MED12L: variants seen among roughly 807,000 people sequenced by gnomAD.
The protein encoded by MED12L is mediator complex subunit 12L, also known as mediator of RNA polymerase II transcription subunit 12-like protein.
In MED12L, 60 loss-of-function variants were observed where a neutral mutation model predicts 281.3. The ratio of observed to expected loss-of-function variants is 0.21; its 90% CI spans 0.17 to 0.26. The LOEUF (loss-of-function observed/expected upper bound fraction) is 0.26, where lower values mean the gene tolerates loss of function less well. Ranked by LOEUF, MED12L falls within the 10% of genes least tolerant of loss-of-function variation. The pLI is 1.00. For synonymous variants in MED12L, 974 were observed against 987.2 expected (o/e 0.99, Z 0.25); for missense variants, 2,146 against 2,680.9 (o/e 0.80, Z 4.41).
chr3:151,148,131 G>A (rs1717981873), intron 5 of MED12L, among the ~76,000 whole-genome samples: 3 of 152,140 alleles, frequency 2.0e-5, no homozygotes, highest in South Asian at 4.1e-4. Context: ...CATCTTAAAT[G>A]TGCTTATTGG....
At chr3:151,267,943 G>T (rs956484221) in intron 16 of MED12L, among the ~76,000 whole-genome samples, 1 of 152,112 alleles carries the variant, frequency 6.6e-6, no homozygotes, top group African/African-American at 2.4e-5. Context: ...CTTAAGAAAT[G>T]CGCTATTATC....
At chr3:151,137,854 C>T (rs970438909) in intron 5 of MED12L, among the ~76,000 whole-genome samples, 2 of 151,750 alleles carry the variant, frequency 1.3e-5, no homozygotes, top group African/African-American at 4.8e-5. Context: ...ATGATTCTCT[C>T]TGCAGTAAGG....
chr3:151,296,135 T>C (rs988497739), intron 16 of MED12L, among the ~76,000 whole-genome samples: 2 of 152,240 alleles, frequency 1.3e-5, no homozygotes, highest in African/African-American at 4.8e-5. Flanking sequence ...TTAAAAGTAA[T>C]TGCAACCTGG....
chr3:151,234,532 C>G (rs1478409276), intron 16 of MED12L, among the ~76,000 whole-genome samples: 1 of 152,074 alleles, frequency 6.6e-6, no homozygotes, highest in Non-Finnish European at 1.5e-5. Context: ...TTCAGTTAAC[C>G]CAGCAAATGG....
chr3:151,168,115 A>C (rs1479426561), intron 11 of MED12L, among the ~76,000 whole-genome samples: 1 of 152,206 alleles, frequency 6.6e-6, no homozygotes, highest in Non-Finnish European at 1.5e-5. Flanking sequence ...GTTTTTTCAA[A>C]AAAATTCAAG....
At position 151,122,966 on chromosome 3, in the gene MED12L, G is replaced by T. The variant is rs377752566; in HGVS notation, c.388G>T (p.Ala130Ser). Residue 130 changes from alanine (A) to serine (S), a missense_variant, in exon 4 of 45, where the codon GCA (alanine) becomes TCA (serine). This residue lies in a region of MED12L where 722 missense variants were observed against 861.2 expected (regional missense o/e 0.84). Coordinates refer to ENST00000687756, the MANE Select transcript of MED12L (RefSeq NM_001393769.1). ...LAGNKPLSIL[A>S]KKVPILSKKE... ...AGGAAATAAGCCACTTTCTATTTTGGCAAAAAAGGTATCAAATATTTCTTA... is the reference window on the plus strand; with the variant it reads ...AGGAAATAAGCCACTTTCTATTTTGTCAAAAAAGGTATCAAATATTTCTTA... 7.5e-6 allele frequency: 12 copies of T among 1,595,832 alleles called. No individual in the cohort carries two copies. In the African/African-American group the frequency reaches 1.5e-4, roughly 20 times the overall value.
Position 151,376,199 on chromosome 3 carries a change from T to C in MED12L, c.4038T>C (p.Ile1346=). 6.3e-7 allele frequency: 1 copy of C among 1,587,746 alleles called. No homozygotes were observed. Among genetic ancestry groups the C allele is most frequent in the African/African-American group, 1.4e-5 (1 of 73,566 alleles). The change falls in exon 28 of 45, where the codon ATT becomes ATC. Residue 1346 remains isoleucine, a synonymous_variant. Coordinates refer to ENST00000687756, the MANE Select transcript of MED12L (RefSeq NM_001393769.1). ...GGGACAATCTGCAAAGACAGCACAT[T>C]AAGCGTATTCTTCAGGTCAGTCGTA... ...TEGDNLQRQH[I]KRILQNLEQW...
At chr3:151,150,194 TTAAA>T (rs1484993960) in intron 5 of MED12L, among the ~76,000 whole-genome samples, 1 of 152,226 alleles carries the variant, frequency 6.6e-6, no homozygotes, top group East Asian at 1.9e-4. Context: ...AATATATGTC[TTAAA>T]TAATAATATT....
At chr3:151,250,448 C>T (rs1196114779) in intron 16 of MED12L, among the ~76,000 whole-genome samples, 2 of 152,104 alleles carry the variant, frequency 1.3e-5, no homozygotes. Flanking sequence ...TTATCCTTGC[C>T]CCTAGTCCCT....
chr3:151,175,282 A>G (rs1461522996), intron 11 of MED12L, among the ~76,000 whole-genome samples: 1 of 152,208 alleles, frequency 6.6e-6, no homozygotes, highest in East Asian at 1.9e-4. Flanking sequence ...AATATGAATA[A>G]TATCTTCTCC....
Position 151,192,559 on chromosome 3 carries a change from A to G in MED12L, c.1978A>G (p.Ile660Val), listed in dbSNP as rs1040380477. Reference protein sequence around the residue: ...DHDVKMEEQSIMAHMGIDSGT... With the variant: ...DHDVKMEEQSVMAHMGIDSGT... ...CTCTGGCGATTATCAGGAACAGAGT[A>G]TTATGGCGCATATGGGCATTGACTC... Residue 660 changes from isoleucine (I) to valine (V), a missense_variant, in exon 15 of 45, where the codon ATT becomes GTT. Physicochemically the swap from Ile to Val is conservative, Grantham distance 29. This residue lies in a region of MED12L where 722 missense variants were observed against 861.2 expected (regional missense o/e 0.84). Coordinates refer to ENST00000687756, the MANE Select transcript of MED12L (RefSeq NM_001393769.1). 10 of 1,533,466 alleles carry G rather than the reference A, an allele frequency of 6.5e-6. No individual in the cohort carries two copies. Among genetic ancestry groups the G allele is most frequent in the Non-Finnish European group, 8.7e-6 (10 of 1,144,538 alleles). 95.0% of individuals were successfully genotyped at this position (1,533,466 alleles called of 1,614,324 possible). A position where few individuals can be genotyped will look rare whatever the true frequency, so the allele number is the denominator to read the frequency against.
intron 43 of MED12L, among the ~76,000 whole-genome samples, chr3:151,419,686 C>G (rs1718019571): frequency 6.6e-6 from 1 of 151,984 alleles, no homozygotes; most frequent in Non-Finnish European, 1.5e-5. Flanking sequence ...CAGACATAAT[C>G]TTCAAATAAA....
rs369800914 is a variant in MED12L, at chr3:151,356,757, G to A, written c.2662-456G>A. 2.0e-4 allele frequency among the ~76,000 whole-genome samples: 30 copies of A among 152,062 alleles called. 1 individual carries two copies. The East Asian group carries it at 5.6e-3, about 28-fold the overall frequency. On this transcript the variant is annotated intron_variant, in intron 19 of 44. Transcript: ENST00000687756. Reference sequence around the variant, plus strand: ...CAGAACAAACCTTATGATTTGATTTGCCCCACTGTGTTATTTCTTATGCAC... The same window carrying A: ...CAGAACAAACCTTATGATTTGATTTACCCCACTGTGTTATTTCTTATGCAC...
chr3:151,144,980 C>T (rs1174944039), intron 5 of MED12L, among the ~76,000 whole-genome samples: 1 of 152,208 alleles, frequency 6.6e-6, no homozygotes, highest in Admixed American at 6.5e-5. Flanking sequence ...CCTACCCAGC[C>T]TTGTAAACCA....
intron 2 of MED12L, among the ~76,000 whole-genome samples, chr3:151,096,730 A>G (rs1720769599): frequency 6.6e-6 from 1 of 152,222 alleles, no homozygotes; most frequent in Admixed American, 6.5e-5. Context: ...CTCATTCAAT[A>G]CAAAAGGAAA....
chr3:151,413,429 G>C (rs1717180413), intron 42 of MED12L, 134 bp downstream of exon 42: 8 of 1,073,220 alleles, frequency 7.5e-6, no homozygotes, highest in Non-Finnish European at 1.1e-5. Flanking sequence ...GATGCTAGGA[G>C]CTACATTGGT....
chr3:151,384,417 C>A (rs1712948844), intron 35 of MED12L, among the ~76,000 whole-genome samples, 199 bp downstream of exon 35: 2 of 152,078 alleles, frequency 1.3e-5, no homozygotes, highest in African/African-American at 2.4e-5. Flanking sequence ...TTATTGAAAA[C>A]AATTACATTA....
intron 16 of MED12L, among the ~76,000 whole-genome samples, chr3:151,273,605 T>TA (rs1741380108): frequency 6.6e-6 from 1 of 152,114 alleles, no homozygotes; most frequent in Admixed American, 6.6e-5. Flanking sequence ...TTAATCCCCA[T>TA]AACTCAGTAA....
At chr3:151,144,250 G>C (rs1364350828) in intron 5 of MED12L, among the ~76,000 whole-genome samples, 1 of 152,036 alleles carries the variant, frequency 6.6e-6, no homozygotes, top group African/African-American at 2.4e-5. Context: ...GGTTGATAGG[G>C]AAAAAGGACA....
Sources: allele counts gnomAD v4.1 joint callset (sites outside exome capture counted in the v4.1 genomes callset), GRCh38; gene constraint gnomAD v4.1.1; regional missense constraint gnomAD v4.1.1; transcripts MANE v1.5; gene names NCBI Gene and HGNC (gene_info 2026-07-23, HGNC 2026-07-21).